DOCK11: variants seen among roughly 807,000 people sequenced by gnomAD.
DOCK11 encodes the protein dedicator of cytokinesis 11, also known as dedicator of cytokinesis protein 11.
In DOCK11, 70 loss-of-function variants were observed where a neutral mutation model predicts 169.1. That is an observed-to-expected ratio of 0.41 (90% CI 0.34 to 0.51). The LOEUF (loss-of-function observed/expected upper bound fraction) is 0.51. DOCK11 is among the 20% of genes least tolerant of loss of function. DOCK11 has a pLI of 0.10. For missense variants in DOCK11, 1,166 were observed against 1,538.8 expected (o/e 0.76, Z 4.05); for synonymous variants, 529 against 541.3 (o/e 0.98, Z 0.32).
Position 118,643,478 on chromosome X carries a change from G to A in DOCK11, c.4282G>A (p.Gly1428Ser). 8.3e-7 allele frequency: 1 copy of A among 1,207,680 alleles called. No individual in the cohort carries two copies. The highest frequency in any genetic ancestry group is 1.7e-5 in the African/African-American group (1 of 57,516). The change falls in exon 40 of 53, where the codon GGC becomes AGC. Residue 1428 changes from glycine (G) to serine (S), a missense_variant. Coordinates refer to ENST00000276202, the MANE Select transcript of DOCK11 (RefSeq NM_144658.4). ...CFKTQLLNND[G>S]HNPLMKKVFD... ...ATAGACCCAACTTTTAAATAATGAT[G>A]GCCATAACCCATTAATGAAAAAAGT...
intron 31 of DOCK11, among the ~76,000 whole-genome samples, chrX:118,620,193 A>G (rs2014937053): frequency 9.0e-6 from 1 of 111,604 alleles, no homozygotes; most frequent in African/African-American, 3.3e-5. Context: ...TAGAGTGCAA[A>G]CTGTATGGAT....
intron 1 of DOCK11, among the ~76,000 whole-genome samples, chrX:118,537,023 TG>T (rs1327345638): frequency 8.9e-6 from 1 of 111,893 alleles, no homozygotes; most frequent in Non-Finnish European, 1.9e-5. Flanking sequence ...GGAGAAATGA[TG>T]GGAAGGAGAG....
intron 35 of DOCK11, among the ~76,000 whole-genome samples, chrX:118,631,790 G>C (rs2015249067): frequency 9.0e-6 from 1 of 110,893 alleles, no homozygotes; most frequent in South Asian, 3.8e-4. Context: ...AAAGAATGAG[G>C]GAAAGAGAGA....
At chrX:118,559,897 A>G (rs2012847327) in intron 6 of DOCK11, among the ~76,000 whole-genome samples, 1 of 110,684 alleles carries the variant, frequency 9.0e-6, no homozygotes, top group Admixed American at 9.7e-5. Flanking sequence ...ACATATATGA[A>G]AGATATAAAT....
chrX:118,672,357 C>T (rs1455149788), intron 46 of DOCK11, among the ~76,000 whole-genome samples: 1 of 112,422 alleles, frequency 8.9e-6, no homozygotes, highest in Non-Finnish European at 1.9e-5. Flanking sequence ...TGCTACTATG[C>T]TGGGAAGGGA....
intron 42 of DOCK11, among the ~76,000 whole-genome samples, chrX:118,654,203 G>A (rs12836665): frequency 0.23 from 25,669 of 111,602 alleles, 2,582 homozygotes; most frequent in African/African-American, 0.39. Context: ...TCATAGGGTT[G>A]TCGTAAAAAT....
chrX:118,662,710 C>T lies in DOCK11; in HGVS notation c.4994C>T (p.Ala1665Val), dbSNP rs146074785. The change falls in exon 45 of 53, where the codon GCG becomes GTG. Residue 1665 changes from alanine to valine, a missense_variant. Coordinates refer to ENST00000276202, the MANE Select transcript of DOCK11 (RefSeq NM_144658.4). ...GAATTATTTCCTAACGGATGTTCAGCGTTCAAGAAAATTACTCCCAATATA... is the reference window on the plus strand; with the variant it reads ...GAATTATTTCCTAACGGATGTTCAGTGTTCAAGAAAATTACTCCCAATATA... Reference protein sequence around the residue: ...RKKLFPNGCSAFKKITPNIDE... With the variant: ...RKKLFPNGCSVFKKITPNIDE... 135 of 1,184,690 alleles carry T rather than the reference C, an allele frequency of 1.1e-4. No homozygotes were observed. Among genetic ancestry groups the T allele is most frequent in the Non-Finnish European group, 1.4e-4 (126 of 873,608 alleles).
intron 42 of DOCK11, among the ~76,000 whole-genome samples, chrX:118,653,323 C>T (rs2015990200): frequency 8.9e-6 from 1 of 111,763 alleles, no homozygotes; most frequent in African/African-American, 3.2e-5. Flanking sequence ...TAAATGGGAT[C>T]TCTATTAATG....
chrX:118,662,848 A>G, intron 45 of DOCK11, 56 bp downstream of exon 45: 4 of 711,188 alleles, frequency 5.6e-6, no homozygotes, highest in Non-Finnish European at 6.5e-6. Flanking sequence ...CTTAAAATTC[A>G]TATATATTAA....
chrX:118,626,852 G>A (rs1227828241), intron 32 of DOCK11, among the ~76,000 whole-genome samples: 1 of 112,372 alleles, frequency 8.9e-6, no homozygotes, highest in Non-Finnish European at 1.9e-5. Context: ...TGTATTCTTT[G>A]CAGCTCAAGT....
At chrX:118,531,558 TA>T (rs2011586099) in intron 1 of DOCK11, among the ~76,000 whole-genome samples, 1 of 106,590 alleles carries the variant, frequency 9.4e-6, no homozygotes, top group African/African-American at 3.4e-5. Flanking sequence ...TATATATATA[TA>T]TATATATTGT....
chrX:118,672,412 C>CT (rs1179221739), intron 46 of DOCK11, among the ~76,000 whole-genome samples: 6 of 110,891 alleles, frequency 5.4e-5, no homozygotes, highest in African/African-American at 9.8e-5. Context: ...GCAATTTATT[C>CT]TTTTTTTTTG....
At chrX:118,604,806 T>C (rs2014451552) in intron 23 of DOCK11, among the ~76,000 whole-genome samples, 1 of 110,508 alleles carries the variant, frequency 9.0e-6, no homozygotes, top group Non-Finnish European at 1.9e-5. Flanking sequence ...AACCACTCTT[T>C]ATTGCATTCC....
At chrX:118,522,976 T>A in intron 1 of DOCK11, among the ~76,000 whole-genome samples, 1 of 112,639 alleles carries the variant, frequency 8.9e-6, no homozygotes, top group Middle Eastern at 4.6e-3. Flanking sequence ...CTGACCTCTC[T>A]TAATCTGTTT....
intron 35 of DOCK11, among the ~76,000 whole-genome samples, chrX:118,634,699 G>A (rs888987664): frequency 1.1e-4 from 12 of 112,385 alleles, no homozygotes; most frequent in Non-Finnish European, 2.1e-4. Context: ...GGCGAAAGCG[G>A]AAGTCACTGC....
intron 1 of DOCK11, among the ~76,000 whole-genome samples, chrX:118,508,772 T>TG (rs1386623979): frequency 8.9e-6 from 1 of 112,234 alleles, no homozygotes; most frequent in African/African-American, 3.2e-5. Flanking sequence ...CATGACCACT[T>TG]GCAAGGGAAC....
At chrX:118,671,424 C>T (rs1348191699) in intron 46 of DOCK11, among the ~76,000 whole-genome samples, 1 of 111,299 alleles carries the variant, frequency 9.0e-6, no homozygotes. Context: ...GATACATTTA[C>T]TAATTACCCT....
chrX:118,587,615 C>T (rs1022343524), intron 16 of DOCK11, among the ~76,000 whole-genome samples: 2 of 111,360 alleles, frequency 1.8e-5, no homozygotes, highest in Non-Finnish European at 1.9e-5. Context: ...TATTTTTTCA[C>T]GGTCGGGGTA....
chrX:118,561,406 CT>C lies in DOCK11; in HGVS notation c.584del (p.Leu195Ter). ...AGGTATTCAAGAGACGATATTTTTA[CT>C]TGACCCAACTTCCTGACGGTTCATA... ...MKVFKRRYFY[L>X]TQLPDGSYIL... On this transcript the variant is annotated frameshift_variant, in exon 7 of 53. Coordinates refer to ENST00000276202, the MANE Select transcript of DOCK11 (RefSeq NM_144658.4). LOFTEE classifies it high-confidence loss of function. The C allele has an allele frequency of 8.4e-7, 1 of 1,197,119 alleles. No homozygotes were observed. The highest frequency in any genetic ancestry group is 1.1e-6 in the Non-Finnish European group (1 of 889,325).
Sources: gnomAD v4.1 joint callset for allele counts (sites outside exome capture counted in the v4.1 genomes callset) on GRCh38, gnomAD v4.1.1 for gene constraint, MANE v1.5 for transcripts, NCBI Gene and HGNC (gene_info 2026-07-23, HGNC 2026-07-21) for gene names.